MAPK6: variants seen among roughly 807,000 people sequenced by gnomAD.
MAPK6 encodes ERK-3.
A neutral mutation model predicts 59.3 loss-of-function variants in MAPK6; 19 were observed. The ratio of observed to expected loss-of-function variants is 0.32; its 90% confidence interval spans 0.22 to 0.47. The LOEUF is 0.47. MAPK6 is among the 20% of genes least tolerant of loss of function. The pLI, the probability that MAPK6 is intolerant of heterozygous loss-of-function variation, is 1.00. For synonymous variants in MAPK6, 316 were observed against 290.3 expected (o/e 1.09, Z -0.90); for missense variants, 724 against 847.9 (o/e 0.85, Z 1.81).
chr15:52,027,886 C>T (rs896518162), intron 1 of MAPK6: 3 of 151,314 alleles, frequency 2.0e-5, no homozygotes, highest in African/African-American at 7.3e-5. Context: ...GATTCTTCTG[C>T]CTCAGCCTCT....
intron 1 of MAPK6, among the ~76,000 whole-genome samples, chr15:52,032,995 T>C (rs1027979909): frequency 6.6e-6 from 1 of 152,076 alleles, no homozygotes; most frequent in African/African-American, 2.4e-5. Flanking sequence ...TCCTTTTTTT[T>C]AATGGAGACA....
At chr15:51,994,055 G>C (rs2057217691) in intron 2 of MAPK6, among the ~76,000 whole-genome samples, 1 of 151,924 alleles carries the variant, frequency 6.6e-6, no homozygotes. Flanking sequence ...CCACCTCCTG[G>C]GTTCAAGCGA....
intron 1 of MAPK6, among the ~76,000 whole-genome samples, chr15:52,034,448 G>A (rs895796183): frequency 2.0e-5 from 3 of 151,882 alleles, no homozygotes; most frequent in Non-Finnish European, 2.9e-5. Context: ...AAGTAGCTGG[G>A]ACAGGCGCAT....
chr15:51,985,684 C>T (rs113992162), intron 2 of MAPK6, among the ~76,000 whole-genome samples: 13,931 of 151,760 alleles, frequency 0.092, 1,787 homozygotes, highest in African/African-American at 0.28. Flanking sequence ...CCCGGCCAGG[C>T]GCAGTGGCTC....
At chr15:52,029,765 A>G (rs971556665) in intron 1 of MAPK6, among the ~76,000 whole-genome samples, 7 of 152,098 alleles carry the variant, frequency 4.6e-5, no homozygotes, top group South Asian at 2.1e-4. Flanking sequence ...TGTTTATTCA[A>G]TTATCTGTTT....
At chr15:52,030,331 C>T (rs1479299651) in intron 1 of MAPK6, among the ~76,000 whole-genome samples, 1 of 152,212 alleles carries the variant, frequency 6.6e-6, no homozygotes, top group African/African-American at 2.4e-5. Flanking sequence ...GTCTTATTCT[C>T]TACTATATTG....
At chr15:51,984,785 A>G (rs1265737719) in intron 2 of MAPK6, among the ~76,000 whole-genome samples, 1 of 116,140 alleles carries the variant, frequency 8.6e-6, no homozygotes, top group East Asian at 2.5e-4. Flanking sequence ...TAGTTATTGT[A>G]CACACTTGGG....
chr15:51,976,344 T>G (rs1208677747), intron 1 of MAPK6, among the ~76,000 whole-genome samples: 1 of 149,406 alleles, frequency 6.7e-6, no homozygotes, highest in Non-Finnish European at 1.5e-5. Context: ...AAATGATCAG[T>G]GAAGATGGGG....
At chr15:51,988,931 T>C (rs574697241) in intron 2 of MAPK6, among the ~76,000 whole-genome samples, 120 of 152,214 alleles carry the variant, frequency 7.9e-4, no homozygotes, top group Non-Finnish European at 1.5e-3. Context: ...CCTTGGCTTG[T>C]GGAGTGCTCG....
intron 3 of MAPK6, 89 bp from the exon 4 acceptor site, chr15:52,058,544 C>G: frequency 2.7e-6 from 3 of 1,114,456 alleles, no homozygotes; most frequent in Non-Finnish European, 3.7e-6. Context: ...CCCCACTGGT[C>G]ATTATAATAT....
chr15:52,048,848 C>G (rs572831171), intron 2 of MAPK6, among the ~76,000 whole-genome samples: 2 of 151,998 alleles, frequency 1.3e-5, no homozygotes, highest in South Asian at 4.2e-4. Flanking sequence ...CTTTTTTTTC[C>G]TAGAGAAAAA....
chr15:51,998,128 G>A (rs1203234777), intron 2 of MAPK6, among the ~76,000 whole-genome samples: 8 of 151,792 alleles, frequency 5.3e-5, no homozygotes, highest in Non-Finnish European at 8.8e-5. Context: ...ATTTTTAGTA[G>A]AGACGGGGTT....
chr15:52,058,825 G>A (rs1436517133), intron 4 of MAPK6, 28 bp downstream of exon 4: 10 of 1,571,824 alleles, frequency 6.4e-6, no homozygotes, highest in South Asian at 2.4e-5. Flanking sequence ...TAACCCTCAC[G>A]TTAATGCCTG....
At chr15:52,048,130 G>A (rs1254632236) in intron 2 of MAPK6, among the ~76,000 whole-genome samples, 2 of 151,990 alleles carry the variant, frequency 1.3e-5, no homozygotes, top group Admixed American at 6.6e-5. Context: ...GTTGTTTCAC[G>A]TTAAGATTAT....
intron 3 of MAPK6, among the ~76,000 whole-genome samples, chr15:52,057,957 A>G (rs946779771): frequency 1.3e-5 from 2 of 152,196 alleles, no homozygotes; most frequent in African/African-American, 2.4e-5. Context: ...TGTATTCTCA[A>G]GTGTCCTGCG....
At chr15:52,032,760 C>T (rs916651690) in intron 1 of MAPK6, among the ~76,000 whole-genome samples, 37 of 152,204 alleles carry the variant, frequency 2.4e-4, no homozygotes, top group African/African-American at 8.7e-4. Flanking sequence ...TCTCGGCTCA[C>T]TGCAACCTCC....
At chr15:51,976,387 A>G (rs1398726399) in intron 1 of MAPK6, among the ~76,000 whole-genome samples, 1 of 151,732 alleles carries the variant, frequency 6.6e-6, no homozygotes, top group Non-Finnish European at 1.5e-5. Context: ...GGAAGATTCA[A>G]ACTATATTAA....
chr15:52,043,270 TA>T (rs2031483164), intron 1 of MAPK6, among the ~76,000 whole-genome samples: 1 of 152,170 alleles, frequency 6.6e-6, no homozygotes, highest in African/African-American at 2.4e-5. Flanking sequence ...GAAACTTTTT[TA>T]CCAATACAAA....
At chr15:52,061,242 T>C (rs1032216108) in intron 4 of MAPK6, 57 bp from the exon 5 acceptor site, 1 of 1,274,920 alleles carries the variant, frequency 7.8e-7, no homozygotes, top group Non-Finnish European at 1.1e-6. Context: ...CAACATTTAC[T>C]GTTTTTCTAA....
Sources: gnomAD v4.1 joint callset for allele counts (sites outside exome capture counted in the v4.1 genomes callset) on GRCh38, gnomAD v4.1.1 for gene constraint, MANE v1.5 for transcripts, NCBI Gene and HGNC (gene_info 2026-07-23, HGNC 2026-07-21) for gene names.